Variants in NOL10 observed in about 807,000 individuals in gnomAD.
NOL10 encodes H_NH0074G24.1.
A neutral mutation model predicts 103.5 loss-of-function variants in NOL10; 58 were observed. The observed-to-expected ratio is 0.56, with a 90% CI of 0.45 to 0.70. The LOEUF (loss-of-function observed/expected upper bound fraction) is 0.70, where lower values mean the gene tolerates loss of function less well. Among genes scored for constraint, NOL10 ranks in the 30% least tolerant of loss-of-function variants. The pLI is 0.00. For synonymous variants in NOL10, 287 were observed against 282.5 expected (o/e 1.02, Z -0.16); for missense variants, 763 against 807.3 (o/e 0.95, Z 0.67).
intron 13 of NOL10, among the ~76,000 whole-genome samples, chr2:10,611,722 C>T (rs1296178949): frequency 6.6e-6 from 1 of 152,104 alleles, no homozygotes; most frequent in East Asian, 1.9e-4. Context: ...TCGAGACCAG[C>T]CTGGCCAACA....
At chr2:10,675,329 TG>T (rs1681231158) in intron 4 of NOL10, among the ~76,000 whole-genome samples, 1 of 151,562 alleles carries the variant, frequency 6.6e-6, no homozygotes, top group South Asian at 2.1e-4. Context: ...AAGCCTAGAG[TG>T]GCCCCCAGCT....
At chr2:10,652,919 G>A (rs187727237) in intron 12 of NOL10, among the ~76,000 whole-genome samples, 59 of 152,290 alleles carry the variant, frequency 3.9e-4, no homozygotes, top group Admixed American at 3.3e-3. Flanking sequence ...TTTCTGGCCA[G>A]GCGCGGCGGC....
At chr2:10,644,477 G>T in intron 12 of NOL10, 105 bp from the exon 13 acceptor site, 1 of 709,066 alleles carries the variant, frequency 1.4e-6, no homozygotes, top group South Asian at 2.1e-5. Context: ...GTTAGTCAGT[G>T]AACCAAAGTA....
In NOL10 at chr2:10,607,314, G is replaced by C; in HGVS notation, c.1027-3C>G. 1 of 1,594,410 alleles carries C rather than the reference G, an allele frequency of 6.3e-7. No homozygotes were observed. The highest frequency in any genetic ancestry group is 8.5e-7 in the Non-Finnish European group (1 of 1,172,626). ...CACCGAGGAGCAGGACCCAAAACCT[G>C]TTGGTGTTTATGAGAAGGTCAGCAA... On this transcript the variant is annotated splice_polypyrimidine_tract_variant and splice_region_variant and intron_variant, in intron 13 of 20. Coordinates refer to ENST00000381685, the MANE Select transcript of NOL10 (RefSeq NM_024894.4).
Position 10,587,272 on chromosome 2 carries a change from TA to T in NOL10, c.1844+1770del, listed in dbSNP as rs1275138267. Among the ~76,000 whole-genome samples the T allele has an allele frequency of 1.1e-3, 47 of 42,686 alleles. 15 individuals carry two copies. The highest frequency in any genetic ancestry group is 1.2e-3 in the South Asian group (3 of 2,552). 28.0% of individuals were successfully genotyped at this position (42,686 alleles called of 152,430 possible). A position where few individuals can be genotyped will look rare whatever the true frequency, so the allele number is the denominator to read the frequency against. The stretch of plus-strand genomic sequence containing the variant: ...ATATATATATACACATATATATATA[TA>T]TATTTTTTTTTTTTTTGAGATGGAG... On this transcript the variant is annotated intron_variant, in intron 19 of 20. Transcript: ENST00000381685.
At chr2:10,590,847 C>G (rs777316810) in intron 17 of NOL10, 1 of 152,212 alleles carries the variant, frequency 6.6e-6, no homozygotes, top group South Asian at 2.1e-4. Flanking sequence ...TTCTCTGCTA[C>G]AGGCTTGGAA....
At chr2:10,622,461 A>T (rs1370985841) in intron 13 of NOL10, among the ~76,000 whole-genome samples, 4 of 137,830 alleles carry the variant, frequency 2.9e-5, no homozygotes, top group Admixed American at 1.5e-4. Flanking sequence ...ACAAGGTTAA[A>T]TTTTTTTTTT....
At chr2:10,592,863 C>G (rs1339789700) in intron 17 of NOL10, among the ~76,000 whole-genome samples, 2 of 152,116 alleles carry the variant, frequency 1.3e-5, no homozygotes, top group Non-Finnish European at 2.9e-5. Flanking sequence ...TTTGTTTTCA[C>G]AGCTGTCTTA....
Position 10,630,988 on chromosome 2 carries a change from A to G in NOL10, c.1026+13332T>C, listed in dbSNP as rs1677805401. 3.9e-5 allele frequency among the ~76,000 whole-genome samples: 6 copies of G among 152,338 alleles called. No homozygotes were observed. In the South Asian group the frequency reaches 8.3e-4, roughly 21 times the overall value. On this transcript the variant is annotated intron_variant, in intron 13 of 20. Coordinates refer to ENST00000381685, the MANE Select transcript of NOL10 (RefSeq NM_024894.4). ...TCTGACACTACCTTCCCAAACAAAGAGAATATGTTGCTACTGGTACTATAA... is the reference window on the plus strand; with the variant it reads ...TCTGACACTACCTTCCCAAACAAAGGGAATATGTTGCTACTGGTACTATAA...
intron 13 of NOL10, among the ~76,000 whole-genome samples, chr2:10,639,113 C>G (rs1339661797): frequency 6.9e-6 from 1 of 145,654 alleles, no homozygotes; most frequent in Non-Finnish European, 1.5e-5. Context: ...AACTGAATTA[C>G]TTTTATTCTT....
At chr2:10,591,180 T>G (rs1675370229) in intron 17 of NOL10, among the ~76,000 whole-genome samples, 1 of 152,168 alleles carries the variant, frequency 6.6e-6, no homozygotes, top group Non-Finnish European at 1.5e-5. Flanking sequence ...TGATTAAACA[T>G]CATTTCCAAG....
At chr2:10,663,807 G>A (rs1003460799) in intron 8 of NOL10, among the ~76,000 whole-genome samples, 7 of 151,944 alleles carry the variant, frequency 4.6e-5, no homozygotes, top group East Asian at 2.0e-4. Context: ...AAAATTAGCC[G>A]GGCATGGTGG....
intron 3 of NOL10, among the ~76,000 whole-genome samples, chr2:10,680,656 G>C (rs1681692472): frequency 6.6e-6 from 1 of 152,178 alleles, no homozygotes; most frequent in Admixed American, 6.5e-5. Context: ...TGAAGGCTAA[G>C]AGATGTAGAT....
At chr2:10,649,311 A>ATTTTTTTTTTTTTTTTTTT (rs56031158) in intron 12 of NOL10, among the ~76,000 whole-genome samples, 1 of 99,062 alleles carries the variant, frequency 1.0e-5, no homozygotes, top group African/African-American at 4.1e-5. Context: ...GTATGTTTGA[A>ATTTTTTTTTTTTTTTTTTT]TTTTTTTTTT....
chr2:10,632,693 T>C (rs1482011641), intron 13 of NOL10, among the ~76,000 whole-genome samples: 4 of 152,226 alleles, frequency 2.6e-5, no homozygotes, highest in Admixed American at 1.3e-4. Context: ...TATAACTTTA[T>C]TCCATGTAAA....
intron 13 of NOL10, among the ~76,000 whole-genome samples, chr2:10,620,179 C>A (rs1677053632): frequency 6.6e-6 from 1 of 152,170 alleles, no homozygotes; most frequent in African/African-American, 2.4e-5. Flanking sequence ...CAGTAGTTTC[C>A]TGGTTCTACT....
At chr2:10,672,187 C>G (rs1295766226) in intron 5 of NOL10, among the ~76,000 whole-genome samples, 2 of 152,012 alleles carry the variant, frequency 1.3e-5, no homozygotes, top group Non-Finnish European at 2.9e-5. Context: ...ATTAGCTGGG[C>G]ATGGTGGCGC....
intron 13 of NOL10, among the ~76,000 whole-genome samples, chr2:10,611,716 G>A (rs1676577023): frequency 2.0e-5 from 3 of 152,134 alleles, no homozygotes; most frequent in African/African-American, 4.8e-5. Flanking sequence ...AGGAGTTCGA[G>A]ACCAGCCTGG....
chr2:10,659,062 GCTAAAATA>G, intron 10 of NOL10, 102 bp downstream of exon 10: 3 of 765,706 alleles, frequency 3.9e-6, no homozygotes, highest in Non-Finnish European at 6.7e-6. Context: ...CTCTGGTCTG[GCTAAAATA>G]GTATGATCTC....
Sources: allele counts gnomAD v4.1 joint callset (sites outside exome capture counted in the v4.1 genomes callset), GRCh38; gene constraint gnomAD v4.1.1; transcripts MANE v1.5; gene names NCBI Gene and HGNC (gene_info 2026-07-23, HGNC 2026-07-21).